ABRAXAS1: variants seen among roughly 807,000 people sequenced by gnomAD.
ABRAXAS1 encodes abraxas 1, BRCA1 A complex subunit.
Under a neutral mutation model 38.4 loss-of-function variants are expected in ABRAXAS1, and 26 were observed. The ratio of observed to expected loss-of-function variants is 0.68; its 90% confidence interval spans 0.50 to 0.94. ABRAXAS1 has a LOEUF of 0.94. Among genes scored for constraint, ABRAXAS1 ranks in the 40% least tolerant of loss-of-function variants. The probability of loss-of-function intolerance (pLI) is 0.00; values close to 1 mark genes in which losing one functional copy is unlikely to be tolerated. For synonymous variants in ABRAXAS1, 144 were observed against 165.5 expected, an observed-to-expected ratio of 0.87 and a Z score of 1.00; for missense variants, 438 against 481.9, an observed-to-expected ratio of 0.91 and a Z score of 0.85.
At chr4:83,479,611 T>A (rs1468958918) in intron 2 of ABRAXAS1, 2 of 151,768 alleles carry the variant, frequency 1.3e-5, no homozygotes, top group Non-Finnish European at 2.9e-5. Context: ...ACCCAGAAAA[T>A]CATTCTTAGA....
rs1722005842 is a variant in ABRAXAS1, at chr4:83,459,704, A to G, written c.*2765T>C. On this transcript the variant is annotated 3_prime_UTR_variant, in exon 9 of 9. Transcript: ENST00000321945. The stretch of plus-strand genomic sequence containing the variant: ...ACACATTCAGAAATAAATAACAGAT[A>G]CTTTTTTTTCCCCTCCACATAAAAC... 6.4e-6 allele frequency: 10 copies of G among 1,562,366 alleles called. No homozygotes were observed. Among genetic ancestry groups the G allele is most frequent in the Non-Finnish European group, 8.8e-6 (10 of 1,141,626 alleles).
Position 83,477,898 on chromosome 4 carries a change from G to A in ABRAXAS1, c.179-1219C>T, listed in dbSNP as rs955914120. On this transcript the variant is annotated intron_variant, in intron 2 of 8. Coordinates refer to ENST00000321945, the MANE Select transcript of ABRAXAS1 (RefSeq NM_139076.3). ...TAATCAACATGATCTGTGGGGTAGT[G>A]TCAGGGGTGATATTTTCCACTATAG... 6 of 746,888 alleles carry A rather than the reference G, an allele frequency of 8.0e-6. No homozygotes were observed. In the African/African-American group the frequency reaches 8.7e-5, roughly 11 times the overall value. The allele number at this position is 746,888 out of a possible 1,614,324, so 46.3% of individuals were successfully genotyped here.
At chr4:83,474,314 A>C (rs1722687399) in intron 3 of ABRAXAS1, among the ~76,000 whole-genome samples, 1 of 152,160 alleles carries the variant, frequency 6.6e-6, no homozygotes, top group Non-Finnish European at 1.5e-5. Context: ...GTGCAGGGTT[A>C]ACAAACTTTC....
rs758296447 is a variant in ABRAXAS1 at position 83,463,450 on chromosome 4, T to TAAAG, written c.796+43_796+44insCTTT. The TAAAG allele has an allele frequency of 1.0e-5, 14 of 1,376,160 alleles. No individual in the cohort carries two copies. In the Admixed American group the frequency reaches 1.7e-4, roughly 16 times the overall value. The allele number at this position is 1,376,160 out of a possible 1,614,324, so 85.2% of individuals were successfully genotyped here. A position where few individuals can be genotyped will look rare whatever the true frequency, so the allele number is the denominator to read the frequency against. ...TCCGTCTCAAAAATAAATAAATAAA[T>TAAAG]AAAAATTTTTAGCACAGAAAGTAGA... On this transcript the variant is annotated intron_variant, in intron 8 of 8. Transcript: ENST00000321945.
At chr4:83,471,189 ATCTTTTTTTTTT>A (rs368221375) in intron 4 of ABRAXAS1, among the ~76,000 whole-genome samples, 29,214 of 123,214 alleles carry the variant, frequency 0.24, 4,234 homozygotes, top group East Asian at 0.34. Flanking sequence ...TGAAAGAAAC[ATCTTTTTTTTTT>A]TTTTTTTTTT....
intron 5 of ABRAXAS1, chr4:83,469,452 G>A (rs1722501853): frequency 7.4e-6 from 2 of 269,360 alleles, no homozygotes; most frequent in Non-Finnish European, 1.4e-5. Flanking sequence ...AAGTAGCTGG[G>A]ACTACAGGCA....
At position 83,460,905 on chromosome 4, in the gene ABRAXAS1, C is replaced by CA. The variant is rs34734728; in HGVS notation, c.*1563dup. On this transcript the variant is annotated 3_prime_UTR_variant, in exon 9 of 9. Transcript: ENST00000321945. ...TGGGTGACACAGGGAGACTCCATCT[C>CA]AAAAAAAAAAATTGCAAACTTTAAA... 20,509 of 1,215,594 alleles carry CA rather than the reference C, an allele frequency of 0.017. 2 individuals are homozygous for CA. Among genetic ancestry groups the CA allele is most frequent in the Middle Eastern group, 0.027 (89 of 3,328 alleles). The allele number at this position is 1,215,594 out of a possible 1,614,324, so 75.3% of individuals were successfully genotyped here.
chr4:83,462,590 G>A lies in ABRAXAS1; in HGVS notation c.1109C>T (p.Ser370Phe). The stretch of plus-strand genomic sequence containing the variant: ...GTTACTACTACCAGTATCTGCTTTA[G>A]ATCGTTTGTCTTGTGTATCTAACAA... ...SRLLDTQDKR[S>F]KADTGSSNQD... Residue 370 changes from serine (S) to phenylalanine (F), a missense_variant, in exon 9 of 9, where the codon TCT becomes TTT. Coordinates refer to ENST00000321945, the MANE Select transcript of ABRAXAS1 (RefSeq NM_139076.3). 6.2e-7 allele frequency: 1 copy of A among 1,614,070 alleles called. No homozygotes were observed. The highest frequency in any genetic ancestry group is 8.5e-7 in the Non-Finnish European group (1 of 1,179,996).
rs1292464406 is a variant in ABRAXAS1 at position 83,467,465 on chromosome 4, C to T, written c.670G>A (p.Glu224Lys). The T allele has an allele frequency of 1.3e-6, 2 of 1,529,960 alleles. No individual in the cohort carries two copies. Among genetic ancestry groups the T allele is most frequent in the African/African-American group, 2.7e-5 (2 of 73,314 alleles). The allele number at this position is 1,529,960 out of a possible 1,614,324, so 94.8% of individuals were successfully genotyped here. A position where few individuals can be genotyped will look rare whatever the true frequency, so the allele number is the denominator to read the frequency against. Residue 224 changes from glutamate (E) to lysine (K), a missense_variant, in exon 7 of 9, where the codon GAG becomes AAG. Transcript: ENST00000321945. ...ATATGTTAACTTACCTTTAATTCCTCTTGTAATGAAGCATACATTTCATTT... is the reference window on the plus strand; with the variant it reads ...ATATGTTAACTTACCTTTAATTCCTTTTGTAATGAAGCATACATTTCATTT... ...KINEMYASLQ[E>K]ELKSICKKVE...
intron 4 of ABRAXAS1, among the ~76,000 whole-genome samples, chr4:83,471,051 T>C (rs1383892779): frequency 6.6e-6 from 1 of 152,140 alleles, no homozygotes; most frequent in Non-Finnish European, 1.5e-5. Flanking sequence ...AATTATATAT[T>C]TGCACATTTG....
Position 83,459,684 on chromosome 4 carries a change from T to TTA in ABRAXAS1, c.*2784_*2785insTA, listed in dbSNP as rs1722004833. On this transcript the variant is annotated 3_prime_UTR_variant, in exon 9 of 9. Coordinates refer to ENST00000321945, the MANE Select transcript of ABRAXAS1 (RefSeq NM_139076.3). ...AAGGTTGTTTTTTGAAATTTACACATTCAGAAATAAATAACAGATACTTTT... is the reference window on the plus strand; with the variant it reads ...AAGGTTGTTTTTTGAAATTTACACATTATCAGAAATAAATAACAGATACTTTT... 1 of 1,495,618 alleles carries TTA rather than the reference T, an allele frequency of 6.7e-7. No homozygotes were observed. Among genetic ancestry groups the TTA allele is most frequent in the Non-Finnish European group, 9.2e-7 (1 of 1,086,414 alleles). The allele number at this position is 1,495,618 out of a possible 1,614,324, so 92.6% of individuals were successfully genotyped here. A position where few individuals can be genotyped will look rare whatever the true frequency, so the allele number is the denominator to read the frequency against.
intron 7 of ABRAXAS1, among the ~76,000 whole-genome samples, chr4:83,465,951 A>G (rs889988809): frequency 6.6e-6 from 1 of 152,146 alleles, no homozygotes; most frequent in African/African-American, 2.4e-5. Context: ...CCTTAGTAAG[A>G]TCTCCAACTG....
intron 2 of ABRAXAS1, chr4:83,479,960 CAA>C (rs34519573): frequency 0.11 from 14,853 of 139,712 alleles, 2,392 homozygotes; most frequent in African/African-American, 0.36. Flanking sequence ...GACCTCATCT[CAA>C]AAAAAAAAAA....
chr4:83,478,560 C>G, intron 2 of ABRAXAS1: 1 of 273,896 alleles, frequency 3.7e-6, no homozygotes. Context: ...GATGGAAGAA[C>G]AGTAGGATGT....
intron 2 of ABRAXAS1, chr4:83,479,645 C>T (rs1305524667): frequency 6.6e-6 from 1 of 152,108 alleles, no homozygotes; most frequent in Admixed American, 6.6e-5. Context: ...TATGGTACGT[C>T]TATACAACAG....
chr4:83,462,452 T>C lies in ABRAXAS1; in HGVS notation c.*17A>G. The C allele has an allele frequency of 6.3e-7, 1 of 1,580,570 alleles. No homozygotes were observed. The highest frequency in any genetic ancestry group is 8.6e-7 in the Non-Finnish European group (1 of 1,165,722). The stretch of plus-strand genomic sequence containing the variant: ...CCATCAGCCAAATAAAAAAATCTCC[T>C]TGTAAGGTTAAAAGGATCAAAATGT... On this transcript the variant is annotated 3_prime_UTR_variant, in exon 9 of 9. Transcript: ENST00000321945.
intron 2 of ABRAXAS1, among the ~76,000 whole-genome samples, chr4:83,477,042 GC>G (rs1453549681): frequency 6.6e-6 from 1 of 152,116 alleles, no homozygotes; most frequent in Non-Finnish European, 1.5e-5. Context: ...CTCTAAATGT[GC>G]CCAATTAATA....
intron 2 of ABRAXAS1, among the ~76,000 whole-genome samples, chr4:83,481,005 G>A (rs577131681): frequency 1.3e-5 from 2 of 152,110 alleles, no homozygotes; most frequent in East Asian, 1.9e-4. Context: ...GGCAGCACAC[G>A]TCTGTAATCC....
In ABRAXAS1 at chr4:83,461,101, C is replaced by T. The variant is rs1560569134; in HGVS notation, c.*1368G>A. On this transcript the variant is annotated 3_prime_UTR_variant, in exon 9 of 9. Transcript: ENST00000321945. Reference sequence around the variant, plus strand: ...TTTGCTCATTATGTTTTGTCAAGAACTTTAATTATCTCTTTACAGGGTTTA... The same window carrying T: ...TTTGCTCATTATGTTTTGTCAAGAATTTTAATTATCTCTTTACAGGGTTTA... The T allele has an allele frequency of 1.2e-6, 2 of 1,612,936 alleles. No homozygotes were observed. The highest frequency in any genetic ancestry group is 3.3e-5 in the Admixed American group (2 of 59,998).
Sources: gnomAD v4.1 joint callset for allele counts (sites outside exome capture counted in the v4.1 genomes callset) on GRCh38, gnomAD v4.1.1 for gene constraint, MANE v1.5 for transcripts, NCBI Gene and HGNC (gene_info 2026-07-23, HGNC 2026-07-21) for gene names.